The following RTP5 variants were observed in gnomAD, a reference collection of about 807,000 sequenced individuals.
RTP5 encodes the protein receptor transporter protein 5 (putative), also known as receptor-transporting protein 5.
A neutral mutation model predicts 23.5 loss-of-function variants in RTP5; 30 were observed. The observed-to-expected ratio is 1.27, with a 90% CI of 0.95 to 1.73. The LOEUF (loss-of-function observed/expected upper bound fraction) is 1.73. RTP5 is among the 40% of genes most tolerant of loss of function. The probability of loss-of-function intolerance (pLI) is 0.00; values close to 1 mark genes in which losing one functional copy is unlikely to be tolerated. For missense variants in RTP5, 807 were observed against 784.2 expected (o/e 1.03, Z -0.35); for synonymous variants, 354 against 342.1 (o/e 1.03, Z -0.38).
rs182159681 is a variant in RTP5 at position 241,873,466 on chromosome 2, G to C, written c.*192G>C. 5 of 445,866 alleles carry C rather than the reference G, an allele frequency of 1.1e-5. No homozygotes were observed. Among genetic ancestry groups the C allele is most frequent in the African/African-American group, 5.5e-5 (1 of 18,342 alleles). The allele number at this position is 445,866 out of a possible 1,614,324, so 27.6% of individuals were successfully genotyped here. A position where few individuals can be genotyped will look rare whatever the true frequency, so the allele number is the denominator to read the frequency against. On this transcript the variant is annotated 3_prime_UTR_variant, in exon 2 of 2. Coordinates refer to ENST00000343216, the MANE Select transcript of RTP5 (RefSeq NM_173821.3). The stretch of plus-strand genomic sequence containing the variant: ...GACCCCGCCCTGCCTCTGAGACCCC[G>C]CCTCACCTCTGAGACACCCCCCAAC...
At chr2:241,870,480 G>A (rs915264582) in intron 1 of RTP5, among the ~76,000 whole-genome samples, 5 of 152,374 alleles carry the variant, frequency 3.3e-5, no homozygotes, top group African/African-American at 7.2e-5. Context: ...GGAGGGGCGC[G>A]GGGCAGCTCC....
At position 241,873,187 on chromosome 2, in the gene RTP5, C is replaced by A; in HGVS notation, c.1632C>A (p.Phe544Leu). ...RRPHAEPYED[F>L]WIWVSMTVCV... ...CGCACGCCGAGCCCTACGAGGACTT[C>A]TGGATCTGGGTGTCCATGACCGTGT... Residue 544 changes from phenylalanine to leucine, a missense_variant, in exon 2 of 2, where the codon TTC becomes TTA. Coordinates refer to ENST00000343216, the MANE Select transcript of RTP5 (RefSeq NM_173821.3). The A allele has an allele frequency of 6.2e-7, 1 of 1,610,656 alleles. No individual in the cohort carries two copies. The highest frequency in any genetic ancestry group is 8.5e-7 in the Non-Finnish European group (1 of 1,179,872).
In RTP5 at chr2:241,872,943, G is replaced by A. The variant is rs772331395; in HGVS notation, c.1388G>A (p.Gly463Asp). ...GCCCCTCTGGAGGCCAATGCCGAGGGCCCCATCACGGTTAGTGAGGGCTGC... is the reference window on the plus strand; with the variant it reads ...GCCCCTCTGGAGGCCAATGCCGAGGACCCCATCACGGTTAGTGAGGGCTGC... ...HDAPLEANAE[G>D]PITVSEGCIT... is the part of the protein sequence containing the mutation. Residue 463 changes from glycine to aspartate, a missense_variant, in exon 2 of 2, where the codon GGC (glycine) becomes GAC (aspartate). Transcript: ENST00000343216. 6.2e-7 allele frequency: 1 copy of A among 1,613,036 alleles called. No homozygotes were observed. Among genetic ancestry groups the A allele is most frequent in the Non-Finnish European group, 8.5e-7 (1 of 1,179,992 alleles).
Position 241,872,771 on chromosome 2 carries a change from C to T in RTP5, c.1216C>T (p.Pro406Ser), listed in dbSNP as rs202052539. The change falls in exon 2 of 2, where the codon CCA becomes TCA. Residue 406 changes from proline (P) to serine (S), a missense_variant. By Grantham distance (74) the Pro-to-Ser change is moderately conservative. Coordinates refer to ENST00000343216, the MANE Select transcript of RTP5 (RefSeq NM_173821.3). ...GLVPVGHDAL[P>S]ETNAGGLPSQ... ...CGTCCCAGTGGGTCACGACGCCCTG[C>T]CAGAGACCAATGCTGGTGGCCTCCC... is the stretch of plus-strand genomic sequence containing the variant. 64 of 1,602,152 alleles carry T rather than the reference C, an allele frequency of 4.0e-5. No homozygotes were observed. Among genetic ancestry groups the T allele is most frequent in the Non-Finnish European group, 1.4e-5 (17 of 1,172,598 alleles).
intron 1 of RTP5, chr2:241,871,274 C>T (rs1278063571): frequency 3.4e-5 from 12 of 348,612 alleles, no homozygotes; most frequent in Admixed American, 1.2e-4. Flanking sequence ...CTAAGTGTGT[C>T]GGCAGGCCTG....
Position 241,872,663 on chromosome 2 carries a change from T to A in RTP5, c.1108T>A (p.Phe370Ile). The change falls in exon 2 of 2, where the codon TTC (phenylalanine) becomes ATC (isoleucine). Residue 370 changes from phenylalanine (F) to isoleucine (I), a missense_variant. Transcript: ENST00000343216. ...PVATKEASIT[F>I]PFIFTDVKDA... ...GGCCACTAAAGAGGCCTCCATCACCTTCCCCTTCATCTTTACTGATGTCAA... is the reference window on the plus strand; with the variant it reads ...GGCCACTAAAGAGGCCTCCATCACCATCCCCTTCATCTTTACTGATGTCAA... The A allele has an allele frequency of 6.3e-7, 1 of 1,596,170 alleles. No homozygotes were observed.
Position 241,873,104 on chromosome 2 carries a change from G to C in RTP5, c.1549G>C (p.Ala517Pro), listed in dbSNP as rs764432080. 4 of 1,612,640 alleles carry C rather than the reference G, an allele frequency of 2.5e-6. No homozygotes were observed. Among genetic ancestry groups the C allele is most frequent in the Admixed American group, 1.7e-5 (1 of 60,008 alleles). The stretch of plus-strand genomic sequence containing the variant: ...GCAGCTGAGGTCCAGGTTCCACAAG[G>C]CCCGCTGTGGGTGCCGCCGGGAGGA... Reference protein sequence around the residue: ...KRQLRSRFHKARCGCRREEDE... With the variant: ...KRQLRSRFHKPRCGCRREEDE... Residue 517 changes from alanine (A) to proline (P), a missense_variant, in exon 2 of 2, where the codon GCC (alanine) becomes CCC (proline). Physicochemically the swap from Ala to Pro is conservative, Grantham distance 27. Transcript: ENST00000343216.
Position 241,869,874 on chromosome 2 carries a change from G to C in RTP5, c.118G>C (p.Asp40His), listed in dbSNP as rs776909446. Residue 40 changes from aspartate to histidine, a missense_variant, in exon 1 of 2, where the codon GAC (aspartate) becomes CAC (histidine). Physicochemically the swap from Asp to His is moderately conservative, Grantham distance 81. Coordinates refer to ENST00000343216, the MANE Select transcript of RTP5 (RefSeq NM_173821.3). Reference protein sequence around the residue: ...PEHSLVPGCLDGGGVQYLLVG... With the variant: ...PEHSLVPGCLHGGGVQYLLVG... The stretch of plus-strand genomic sequence containing the variant: ...GCACAGCCTGGTCCCGGGATGCCTG[G>C]ACGGCGGTGGTGTCCAGTACCTGCT... 5.0e-6 allele frequency: 8 copies of C among 1,585,230 alleles called. No individual in the cohort carries two copies. Among genetic ancestry groups the C allele is most frequent in the Non-Finnish European group, 6.8e-6 (8 of 1,167,946 alleles).
At chr2:241,869,946 G>T in intron 1 of RTP5, 32 bp downstream of exon 1, 1 of 1,452,794 alleles carries the variant, frequency 6.9e-7, no homozygotes, top group Non-Finnish European at 9.0e-7. Flanking sequence ...CCTGGGAGAG[G>T]CAGGGGGCTG....
chr2:241,871,855 C>G lies in RTP5; in HGVS notation c.300C>G (p.Pro100=). Residue 100 remains proline, a synonymous_variant, in exon 2 of 2, where the codon CCC becomes CCG. Transcript: ENST00000343216. ...WGQRCRLCPA[P]GDCQVRPPGE... is the part of the protein sequence containing the mutation. ...AGCGGTGCAGGCTGTGCCCCGCACCCGGGGACTGCCAGGTGAGGCCCCCGG... is the reference window on the plus strand; with the variant it reads ...AGCGGTGCAGGCTGTGCCCCGCACCGGGGGACTGCCAGGTGAGGCCCCCGG... 6.5e-7 allele frequency: 1 copy of G among 1,548,572 alleles called. No individual in the cohort carries two copies. The highest frequency in any genetic ancestry group is 8.7e-7 in the Non-Finnish European group (1 of 1,145,214).
At position 241,873,209 on chromosome 2, in the gene RTP5, G is replaced by A. The variant is rs1559459112; in HGVS notation, c.1654G>A (p.Val552Met). Residue 552 changes from valine (V) to methionine (M), a missense_variant, in exon 2 of 2, where the codon GTG becomes ATG. By Grantham distance (21) the Val-to-Met change is conservative. Transcript: ENST00000343216. ...CTTCTGGATCTGGGTGTCCATGACC[G>A]TGTGCGTCTTCTGGCTGATGTGCAT... ...EDFWIWVSMTVCVFWLMCMCR... is the reference protein window; with the variant it reads ...EDFWIWVSMTMCVFWLMCMCR... 1.9e-6 allele frequency: 3 copies of A among 1,607,298 alleles called. No individual in the cohort carries two copies. Among genetic ancestry groups the A allele is most frequent in the Non-Finnish European group, 2.5e-6 (3 of 1,179,176 alleles).
In RTP5 at chr2:241,869,740, C is replaced by T. The variant is rs780522756; in HGVS notation, c.-17C>T. The T allele has an allele frequency of 8.0e-6, 12 of 1,501,588 alleles. No individual in the cohort carries two copies. Among genetic ancestry groups the T allele is most frequent in the South Asian group, 5.0e-5 (4 of 80,354 alleles). 93.0% of individuals were successfully genotyped at this position (1,501,588 alleles called of 1,614,324 possible). ...CGGGCGCAGCCCTCAGCCCACACTG[C>T]GGAGCCAGGCGGCAGCATGGACCGG... On this transcript the variant is annotated 5_prime_UTR_variant, in exon 1 of 2. Coordinates refer to ENST00000343216, the MANE Select transcript of RTP5 (RefSeq NM_173821.3).
In RTP5 at chr2:241,872,123, A is replaced by C. The variant is rs776643673; in HGVS notation, c.568A>C (p.Thr190Pro). ...GTVSRGKPLS[T>P]PGDDLGKGGV... ...CGTCTCCAGGGGCAAACCGCTGTCCACCCCTGGCGACGACCTTGGCAAGGG... is the reference window on the plus strand; with the variant it reads ...CGTCTCCAGGGGCAAACCGCTGTCCCCCCCTGGCGACGACCTTGGCAAGGG... Residue 190 changes from threonine to proline, a missense_variant, in exon 2 of 2, where the codon ACC becomes CCC. By Grantham distance (38) the Thr-to-Pro change is conservative. Coordinates refer to ENST00000343216, the MANE Select transcript of RTP5 (RefSeq NM_173821.3). 6.2e-7 allele frequency: 1 copy of C among 1,607,180 alleles called. No individual in the cohort carries two copies. Among genetic ancestry groups the C allele is most frequent in the East Asian group, 2.2e-5 (1 of 44,758 alleles).
rs1701362531 is a variant in RTP5 at position 241,873,259 on chromosome 2, C to G, written c.1704C>G (p.Tyr568Ter). ...TGTGTCGGCTGAACCCCGGGATCTA[C>G]CCGCAGCAAGTGTGACGCCCCGAAG... ...MCMCRLNPGI[Y>*]PQQV The change falls in exon 2 of 2, where the codon TAC becomes TAG. Residue 568 changes from tyrosine (Y) to a stop codon, truncating the protein, a stop_gained. Coordinates refer to ENST00000343216, the MANE Select transcript of RTP5 (RefSeq NM_173821.3). LOFTEE classifies it high-confidence loss of function. 6.3e-7 allele frequency: 1 copy of G among 1,582,946 alleles called. No individual in the cohort carries two copies. Among genetic ancestry groups the G allele is most frequent in the Non-Finnish European group, 8.6e-7 (1 of 1,168,304 alleles).
Position 241,873,425 on chromosome 2 carries a change from C to T in RTP5, c.*151C>T. 2 of 733,624 alleles carry T rather than the reference C, an allele frequency of 2.7e-6. No homozygotes were observed. Among genetic ancestry groups the T allele is most frequent in the Non-Finnish European group, 4.0e-6 (2 of 495,118 alleles). The allele number at this position is 733,624 out of a possible 1,614,324, so 45.4% of individuals were successfully genotyped here. A position where few individuals can be genotyped will look rare whatever the true frequency, so the allele number is the denominator to read the frequency against. ...TCTGAGACCCCCGCCTCTGAGGCCC[C>T]GCCCCCCGCCTCCGAGACCCCGCCC... On this transcript the variant is annotated 3_prime_UTR_variant, in exon 2 of 2. Coordinates refer to ENST00000343216, the MANE Select transcript of RTP5 (RefSeq NM_173821.3).
At position 241,873,113 on chromosome 2, in the gene RTP5, G is replaced by A. The variant is rs745847462; in HGVS notation, c.1558G>A (p.Gly520Arg). 3.1e-6 allele frequency: 5 copies of A among 1,612,484 alleles called. No individual in the cohort carries two copies. The Admixed American group carries it at 5.0e-5, about 16-fold the overall frequency. Reference protein sequence around the residue: ...LRSRFHKARCGCRREEDERPG... With the variant: ...LRSRFHKARCRCRREEDERPG... ...GTCCAGGTTCCACAAGGCCCGCTGT[G>A]GGTGCCGCCGGGAGGAAGACGAGCG... is the stretch of plus-strand genomic sequence containing the variant. Residue 520 changes from glycine to arginine, a missense_variant, in exon 2 of 2, where the codon GGG becomes AGG. Transcript: ENST00000343216.
In RTP5 at chr2:241,873,279, C is replaced by T. The variant is rs1163204452; in HGVS notation, c.*5C>T. 3.8e-6 allele frequency: 6 copies of T among 1,565,348 alleles called. No homozygotes were observed. The highest frequency in any genetic ancestry group is 5.2e-6 in the Non-Finnish European group (6 of 1,158,282). On this transcript the variant is annotated 3_prime_UTR_variant, in exon 2 of 2. Coordinates refer to ENST00000343216, the MANE Select transcript of RTP5 (RefSeq NM_173821.3). ...ATCTACCCGCAGCAAGTGTGACGCC[C>T]CGAAGTTCAGGCAACCCTCGCCTCT...
At position 241,872,395 on chromosome 2, in the gene RTP5, C is replaced by A; in HGVS notation, c.840C>A (p.Ile280=). 1 of 1,612,558 alleles carries A rather than the reference C, an allele frequency of 6.2e-7. No individual in the cohort carries two copies. The highest frequency in any genetic ancestry group is 8.5e-7 in the Non-Finnish European group (1 of 1,179,920). The change falls in exon 2 of 2, where the codon ATC becomes ATA. Residue 280 remains isoleucine (I), a synonymous_variant. Transcript: ENST00000343216. ...FHGPGLLGSS[I]QTFELKGFLF... is the part of the protein sequence containing the mutation. ...GCCCCGGCCTCCTCGGCAGCAGCAT[C>A]CAGACCTTCGAGCTCAAGGGCTTCC...
chr2:241,871,539 T>C (rs1431461254), intron 1 of RTP5, among the ~76,000 whole-genome samples, 175 bp from the exon 2 acceptor site: 5 of 152,094 alleles, frequency 3.3e-5, no homozygotes, highest in Non-Finnish European at 7.4e-5. Context: ...TAGGCTGCCT[T>C]GGCCGCGGCC....
Sources: gnomAD v4.1 joint callset for allele counts (sites outside exome capture counted in the v4.1 genomes callset) on GRCh38, gnomAD v4.1.1 for gene constraint, MANE v1.5 for transcripts, NCBI Gene and HGNC (gene_info 2026-07-23, HGNC 2026-07-21) for gene names.